Variants in IQCH observed in about 807,000 individuals in gnomAD.
IQCH encodes IQ motif containing H, also known as IQ domain-containing protein H.
Under a neutral mutation model 117.0 loss-of-function variants are expected in IQCH, and 98 were observed. That is an observed-to-expected ratio of 0.84 (90% CI 0.71 to 0.99). The LOEUF (loss-of-function observed/expected upper bound fraction) is 0.99, where lower values mean the gene tolerates loss of function less well. IQCH is among the 50% of genes least tolerant of loss of function. The probability of loss-of-function intolerance (pLI) is 0.00; values close to 1 mark genes in which losing one functional copy is unlikely to be tolerated. For synonymous variants in IQCH, 412 were observed against 448.2 expected, an observed-to-expected ratio of 0.92 and a Z score of 1.02; for missense variants, 1,102 against 1,243.8, an observed-to-expected ratio of 0.89 and a Z score of 1.72.
intron 10 of IQCH, among the ~76,000 whole-genome samples, chr15:67,379,367 A>G (rs1289393802): frequency 6.6e-6 from 1 of 152,238 alleles, no homozygotes; most frequent in Non-Finnish European, 1.5e-5. Flanking sequence ...CTACAATCAT[A>G]TTAATAAACT....
rs570538893 is a variant in IQCH at position 67,479,365 on chromosome 15, A to T, written c.2799+3547A>T. ...GAACCCGTAATTGTCTACAAAGTCAAGCATGATTCTTCGTCTTACACAAGG... is the reference window on the plus strand; with the variant it reads ...GAACCCGTAATTGTCTACAAAGTCATGCATGATTCTTCGTCTTACACAAGG... On this transcript the variant is annotated intron_variant, in intron 18 of 20. Coordinates refer to ENST00000335894, the MANE Select transcript of IQCH (RefSeq NM_001031715.3). The surrounding 1 kb of genome is among the most constrained non-coding windows in gnomAD (Gnocchi z 4.6). Among the ~76,000 whole-genome samples the T allele has an allele frequency of 1.3e-5, 2 of 152,346 alleles. No individual in the cohort carries two copies. Among genetic ancestry groups the T allele is most frequent in the Admixed American group, 1.3e-4 (2 of 15,304 alleles).
intron 4 of IQCH, among the ~76,000 whole-genome samples, chr15:67,292,787 A>G (rs2140506807): frequency 6.6e-6 from 1 of 152,318 alleles, no homozygotes; most frequent in Non-Finnish European, 1.5e-5. Context: ...ATCTCACCTA[A>G]TAAAATCAAC....
At chr15:67,295,010 A>G (rs1013053618) in intron 4 of IQCH, among the ~76,000 whole-genome samples, 6 of 152,274 alleles carry the variant, frequency 3.9e-5, no homozygotes, top group African/African-American at 1.2e-4. Flanking sequence ...CCCAAATTTC[A>G]GGTGGGCACT....
chr15:67,422,735 G>T lies in IQCH; in HGVS notation c.2505+1158G>T, dbSNP rs556830964. On this transcript the variant is annotated intron_variant, in intron 16 of 20. Transcript: ENST00000335894. The surrounding 1 kb of genome is among the most constrained non-coding windows in gnomAD (Gnocchi z 4.7). ...TATGGTGCTGAGATATACTATTCAGGATAAATCATCTTTAACCTTTTTCAC... is the reference window on the plus strand; with the variant it reads ...TATGGTGCTGAGATATACTATTCAGTATAAATCATCTTTAACCTTTTTCAC... Among the ~76,000 whole-genome samples the T allele has an allele frequency of 1.1e-4, 16 of 152,226 alleles. 1 individual carries two copies. The South Asian group carries it at 3.1e-3, about 30-fold the overall frequency.
At chr15:67,485,642 G>A (rs2083452984) in intron 18 of IQCH, among the ~76,000 whole-genome samples, 1 of 152,112 alleles carries the variant, frequency 6.6e-6, no homozygotes, top group African/African-American at 2.4e-5. Flanking sequence ...GAAAATTGAA[G>A]AGCAATAGAA....
In IQCH at chr15:67,431,100, G is replaced by C. The variant is rs958469912; in HGVS notation, c.2505+9523G>C. On this transcript the variant is annotated intron_variant, in intron 16 of 20. Coordinates refer to ENST00000335894, the MANE Select transcript of IQCH (RefSeq NM_001031715.3). This position sits in a 1 kb window ranked among gnomAD's most constrained non-coding sequence, Gnocchi z 4.8. ...TTCCAAGTGAGAAACAGGCTCACTT[G>C]GTGGGAAAGAGTGGTGGGAAAAAGC... Among the ~76,000 whole-genome samples, 1 of 152,068 alleles carries C rather than the reference G, an allele frequency of 6.6e-6. No individual in the cohort carries two copies. Among genetic ancestry groups the C allele is most frequent in the African/African-American group, 2.4e-5 (1 of 41,386 alleles).
intron 6 of IQCH, among the ~76,000 whole-genome samples, chr15:67,352,763 T>C (rs1167472789): frequency 2.0e-5 from 3 of 152,140 alleles, no homozygotes; most frequent in Non-Finnish European, 4.4e-5. Flanking sequence ...GTGATGCATC[T>C]AGGCATATAG....
chr15:67,257,878 T>G (rs1467229479), intron 1 of IQCH, among the ~76,000 whole-genome samples: 1 of 152,218 alleles, frequency 6.6e-6, no homozygotes, highest in Non-Finnish European at 1.5e-5. Context: ...CAATTGACAG[T>G]TTGCTATTTT....
rs1375178025 is a variant in IQCH, at chr15:67,490,563, A to G, written c.2861+499A>G. On this transcript the variant is annotated intron_variant, in intron 19 of 20. Transcript: ENST00000335894. The surrounding 1 kb of genome is among the most constrained non-coding windows in gnomAD (Gnocchi z 4.9). ...TGGGGGTTTATAAATATAATTGATT[A>G]ATTACCTAAAATTAATGGGTAAGAT... 6.6e-6 allele frequency among the ~76,000 whole-genome samples: 1 copy of G among 152,146 alleles called. No individual in the cohort carries two copies. Among genetic ancestry groups the G allele is most frequent in the African/African-American group, 2.4e-5 (1 of 41,424 alleles).
intron 3 of IQCH, among the ~76,000 whole-genome samples, chr15:67,277,326 T>C (rs1234351968): frequency 6.6e-6 from 1 of 152,212 alleles, no homozygotes; most frequent in Non-Finnish European, 1.5e-5. Context: ...ATATTCGCTT[T>C]GTCTCTTCAG....
chr15:67,293,444 G>C (rs1966820200), intron 4 of IQCH, among the ~76,000 whole-genome samples: 1 of 152,076 alleles, frequency 6.6e-6, no homozygotes, highest in Non-Finnish European at 1.5e-5. Context: ...TATAACCTAT[G>C]TACATCCTCC....
intron 6 of IQCH, among the ~76,000 whole-genome samples, chr15:67,346,471 A>C (rs1379154242): frequency 2.0e-5 from 3 of 152,198 alleles, no homozygotes; most frequent in African/African-American, 4.8e-5. Context: ...GATTCTCATA[A>C]GGAGCATGCA....
intron 8 of IQCH, among the ~76,000 whole-genome samples, chr15:67,371,205 A>G (rs958842962): frequency 6.6e-6 from 1 of 152,212 alleles, no homozygotes; most frequent in Non-Finnish European, 1.5e-5. Context: ...CCAAGCCATC[A>G]GGAACATTTA....
intron 20 of IQCH, among the ~76,000 whole-genome samples, chr15:67,498,166 A>C (rs1205011037): frequency 6.6e-6 from 1 of 152,260 alleles, no homozygotes; most frequent in Non-Finnish European, 1.5e-5. Context: ...GATATAGATC[A>C]ATGGCATAAA....
rs2081744099 is a variant in IQCH, at chr15:67,421,588, T to C, written c.2505+11T>C. On this transcript the variant is annotated intron_variant, in intron 16 of 20. Coordinates refer to ENST00000335894, the MANE Select transcript of IQCH (RefSeq NM_001031715.3). ...ACCTTGGAACAACAGGTAAGTTGAA[T>C]GGATGCCATACGAAATGCTAAAATA... The C allele has an allele frequency of 6.2e-7, 1 of 1,613,644 alleles. No individual in the cohort carries two copies. Among genetic ancestry groups the C allele is most frequent in the South Asian group, 1.1e-5 (1 of 91,054 alleles).
chr15:67,267,915 T>A (rs547007203), intron 3 of IQCH, among the ~76,000 whole-genome samples: 5 of 152,330 alleles, frequency 3.3e-5, no homozygotes, highest in South Asian at 2.1e-4. Context: ...ATCTTCATCA[T>A]CATCATTAAT....
Position 67,454,354 on chromosome 15 carries a change from A to G in IQCH, c.2506-10773A>G, listed in dbSNP as rs1028702563. On this transcript the variant is annotated intron_variant, in intron 16 of 20. Coordinates refer to ENST00000335894, the MANE Select transcript of IQCH (RefSeq NM_001031715.3). The surrounding 1 kb of genome is among the most constrained non-coding windows in gnomAD (Gnocchi z 5.2). ...GGAGCTGTAGACCGGAGCTGTTCGT[A>G]TTCGGCCATCTTGGCTCTGGTCTTG... 6.6e-6 allele frequency among the ~76,000 whole-genome samples: 1 copy of G among 152,236 alleles called. No individual in the cohort carries two copies. Among genetic ancestry groups the G allele is most frequent in the African/African-American group, 2.4e-5 (1 of 41,466 alleles).
rs529027086 is a variant in IQCH at position 67,351,324 on chromosome 15, A to C, written c.638-6021A>C. ...TCTCATTGTTCAGCTCCCATTTATG[A>C]GTGAGAACATACAGTGTTTGGTTTT... On this transcript the variant is annotated intron_variant, in intron 6 of 20. Coordinates refer to ENST00000335894, the MANE Select transcript of IQCH (RefSeq NM_001031715.3). Among the ~76,000 whole-genome samples, 17 of 150,864 alleles carry C rather than the reference A, an allele frequency of 1.1e-4. No homozygotes were observed. The South Asian group carries it at 3.5e-3, about 31-fold the overall frequency.
chr15:67,291,100 G>A (rs1193591757), intron 4 of IQCH, among the ~76,000 whole-genome samples: 1 of 152,122 alleles, frequency 6.6e-6, no homozygotes, highest in Non-Finnish European at 1.5e-5. Flanking sequence ...CTAGGGAAGG[G>A]ACATACTATC....
Sources: gnomAD v4.1 joint callset for allele counts (sites outside exome capture counted in the v4.1 genomes callset) on GRCh38, gnomAD v4.1.1 for gene constraint, Gnocchi (gnomAD v3.1) non-coding constraint, MANE v1.5 for transcripts, NCBI Gene and HGNC (gene_info 2026-07-23, HGNC 2026-07-21) for gene names.